The following PFKM variants were observed in gnomAD, a reference collection of about 807,000 sequenced individuals.
PFKM encodes phosphofructokinase, muscle, also known as ATP-dependent 6-phosphofructokinase, muscle type.
Under a neutral mutation model 95.5 loss-of-function variants are expected in PFKM, and 58 were observed. The ratio of observed to expected loss-of-function variants is 0.61; its 90% CI spans 0.49 to 0.76. PFKM has a LOEUF of 0.76. Ranked by LOEUF, PFKM falls within the 30% of genes least tolerant of loss-of-function variation. The probability of loss-of-function intolerance (pLI) is 0.00; values close to 1 mark genes in which losing one functional copy is unlikely to be tolerated. For synonymous variants in PFKM, 336 were observed against 357.2 expected, an observed-to-expected ratio of 0.94 and a Z score of 0.67; for missense variants, 678 against 1,005.4, an observed-to-expected ratio of 0.67 and a Z score of 4.40.
chr12:48,135,249 C>T (rs755330003), intron 9 of PFKM, 42 bp from the exon 10 acceptor site: 2 of 1,513,430 alleles, frequency 1.3e-6, no homozygotes, highest in Non-Finnish European at 1.8e-6. Flanking sequence ...CTTCCTTTGA[C>T]TCTGCGTAAC....
upstream of PFKM, among the ~76,000 whole-genome samples, chr12:48,116,665 G>T (rs1947709488): frequency 6.6e-6 from 1 of 152,118 alleles, no homozygotes; most frequent in East Asian, 1.9e-4. Flanking sequence ...TTTTTGTAGA[G>T]ACGGGGTTTC....
chr12:48,131,887 T>C (rs954063080), intron 4 of PFKM: 1 of 390,554 alleles, frequency 2.6e-6, no homozygotes, highest in East Asian at 7.1e-5. Flanking sequence ...TCCTTTATGC[T>C]ACTTGCTCCA....
At chr12:48,140,646 G>T in intron 13 of PFKM, 76 bp from the exon 14 acceptor site, 1 of 1,417,154 alleles carries the variant, frequency 7.1e-7, no homozygotes. Flanking sequence ...TAGAGCCCTT[G>T]CCCTCCTTTA....
intron 2 of PFKM, among the ~76,000 whole-genome samples, chr12:48,125,884 A>G (rs1202353953): frequency 2.0e-5 from 3 of 152,228 alleles, no homozygotes; most frequent in Admixed American, 6.5e-5. Context: ...ACAAATGTTT[A>G]TTCCTCATAT....
chr12:48,113,873 G>A (rs1459446227), intron 3 of PFKM, among the ~76,000 whole-genome samples: 1 of 152,158 alleles, frequency 6.6e-6, no homozygotes, highest in African/African-American at 2.4e-5. Flanking sequence ...GGAATAAGGT[G>A]GCCTTCTGGC....
chr12:48,140,989 G>A, intron 14 of PFKM, 118 bp downstream of exon 14: 1 of 1,093,834 alleles, frequency 9.1e-7, no homozygotes, highest in East Asian at 2.4e-5. Flanking sequence ...CTCTCTCAGG[G>A]TCCAGGCAGA....
chr12:48,137,362 C>T, intron 10 of PFKM: 1 of 320,540 alleles, frequency 3.1e-6, no homozygotes, highest in Non-Finnish European at 6.0e-6. Context: ...CAACCTTAGA[C>T]ACTCAGTTTA....
chr12:48,135,413 C>G (rs1452654735), intron 10 of PFKM, 30 bp downstream of exon 10: 2 of 1,493,938 alleles, frequency 1.3e-6, no homozygotes, highest in East Asian at 2.3e-5. Context: ...GGCCCTCATG[C>G]CTTGAAACCC....
At chr12:48,136,048 C>T (rs902494188) in intron 10 of PFKM, among the ~76,000 whole-genome samples, 24 of 152,110 alleles carry the variant, frequency 1.6e-4, no homozygotes, top group African/African-American at 5.1e-4. Flanking sequence ...GGACCACGCC[C>T]GGCTAATATT....
At chr12:48,139,251 T>G in intron 11 of PFKM, 34 bp from the exon 12 acceptor site, 1 of 1,565,864 alleles carries the variant, frequency 6.4e-7, no homozygotes, top group Non-Finnish European at 8.8e-7. Flanking sequence ...ATCCTGACCC[T>G]GGAGTTGAAA....
chr12:48,132,203 C>T (rs182786780), intron 4 of PFKM: 187 of 391,348 alleles, frequency 4.8e-4, no homozygotes, highest in Non-Finnish European at 8.0e-4. Flanking sequence ...GTATACTTAC[C>T]TCTCTCAGGT....
At chr12:48,107,990 C>A in intron 2 of PFKM, 1 of 1,435,502 alleles carries the variant, frequency 7.0e-7, no homozygotes, top group Non-Finnish European at 9.6e-7. Flanking sequence ...AGCTCAGAGT[C>A]ATAGGGAAAA....
Position 48,112,490 on chromosome 12 carries a change from T to C in PFKM, c.205+4296T>C, listed in dbSNP as rs567304643. On this transcript the variant is annotated intron_variant, in intron 3 of 24. Transcript: ENST00000340802. ...AGTAATGGGGGCTGTCCGTGAAGCC[T>C]TGTGGCAGTACAGCCCAGGTAATTT... Among the ~76,000 whole-genome samples, 4 of 152,334 alleles carry C rather than the reference T, an allele frequency of 2.6e-5. No individual in the cohort carries two copies. The East Asian group carries it at 5.8e-4, about 22-fold the overall frequency.
chr12:48,137,883 C>T (rs528891529), intron 11 of PFKM, 37 bp downstream of exon 11: 2 of 1,612,506 alleles, frequency 1.2e-6, no homozygotes, highest in African/African-American at 2.7e-5. Flanking sequence ...TTAACACTCT[C>T]AAGCCCCTGC....
intron 2 of PFKM, among the ~76,000 whole-genome samples, chr12:48,124,218 A>C (rs765109566): frequency 2.6e-5 from 4 of 152,204 alleles, no homozygotes; most frequent in Non-Finnish European, 4.4e-5. Context: ...CTGAGGAAGG[A>C]GGGTACGGAG....
chr12:48,112,348 G>T (rs1436858521), intron 3 of PFKM, among the ~76,000 whole-genome samples: 1 of 152,202 alleles, frequency 6.6e-6, no homozygotes, highest in Non-Finnish European at 1.5e-5. Flanking sequence ...TTGTTGTTTT[G>T]TAGAAGGGAT....
chr12:48,135,319 C>T lies in PFKM; in HGVS notation c.872C>T (p.Thr291Ile). 1 of 1,614,144 alleles carries T rather than the reference C, an allele frequency of 6.2e-7. No individual in the cohort carries two copies. The highest frequency in any genetic ancestry group is 8.5e-7 in the Non-Finnish European group (1 of 1,179,982). The change falls in exon 10 of 23, where the codon ACC becomes ATC. Residue 291 changes from threonine (T) to isoleucine (I), a missense_variant. Physicochemically the swap from Thr to Ile is moderately conservative, Grantham distance 89. Transcript: ENST00000359794. ...NLVVKRLGYD[T>I]RVTVLGHVQR... is the part of the protein sequence containing the mutation. ...GTGGTTAAGCGTCTGGGATATGACA[C>T]CCGGGTTACTGTCTTGGGGCATGTG...
chr12:48,110,752 C>A (rs1240768777), intron 3 of PFKM, among the ~76,000 whole-genome samples: 1 of 152,130 alleles, frequency 6.6e-6, no homozygotes, highest in Non-Finnish European at 1.5e-5. Flanking sequence ...TCTTACCTGG[C>A]AGGGAAGCAG....
chr12:48,110,564 A>AT (rs1157163136), intron 3 of PFKM, among the ~76,000 whole-genome samples: 3 of 152,278 alleles, frequency 2.0e-5, no homozygotes, highest in Admixed American at 2.0e-4. Context: ...AGATGAGCAC[A>AT]GAGCTACTGG....
Sources: allele counts gnomAD v4.1 joint callset (sites outside exome capture counted in the v4.1 genomes callset), GRCh38; gene constraint gnomAD v4.1.1; transcripts MANE v1.5; gene names NCBI Gene and HGNC (gene_info 2026-07-23, HGNC 2026-07-21).